The following PHF20 variants were observed in gnomAD, a reference collection of about 807,000 sequenced individuals.
PHF20 encodes the protein PHD finger protein 20.
In PHF20, 23 loss-of-function variants were observed where a neutral mutation model predicts 113.5. That is an observed-to-expected ratio of 0.20 (90% CI 0.15 to 0.29). The LOEUF (loss-of-function observed/expected upper bound fraction) is 0.29, where lower values mean the gene tolerates loss of function less well. Ranked by LOEUF, PHF20 falls within the 10% of genes least tolerant of loss-of-function variation. The probability of loss-of-function intolerance (pLI) is 1.00; values close to 1 mark genes in which losing one functional copy is unlikely to be tolerated. For missense variants in PHF20, 943 were observed against 1,219.6 expected (o/e 0.77, Z 3.38); for synonymous variants, 434 against 457.3 (o/e 0.95, Z 0.65).
intron 7 of PHF20, among the ~76,000 whole-genome samples, chr20:35,870,717 C>A (rs1177620065): frequency 6.6e-6 from 1 of 152,090 alleles, no homozygotes; most frequent in Non-Finnish European, 1.5e-5. Flanking sequence ...CGGACATGAC[C>A]TAGCACATGT....
Position 35,939,086 on chromosome 20 carries a change from A to T in PHF20, c.2690A>T (p.Asp897Val). 1 of 1,607,542 alleles carries T rather than the reference A, an allele frequency of 6.2e-7. No individual in the cohort carries two copies. Among genetic ancestry groups the T allele is most frequent in the Non-Finnish European group, 8.5e-7 (1 of 1,175,914 alleles). The change falls in exon 16 of 18, where the codon GAC (aspartate) becomes GTC (valine). Residue 897 changes from aspartate (D) to valine (V), a missense_variant. Transcript: ENST00000374012. ...LDQDRSKGDS[D>V]PKPGSPKVKE... ...CAAGACAGGAGCAAGGGGGACAGTGACCCCAAACCCGGCTCCCCAAAGGTA... is the reference window on the plus strand; with the variant it reads ...CAAGACAGGAGCAAGGGGGACAGTGTCCCCAAACCCGGCTCCCCAAAGGTA...
intron 9 of PHF20, 109 bp from the exon 10 acceptor site, chr20:35,899,261 C>A: frequency 3.5e-6 from 3 of 868,194 alleles, no homozygotes; most frequent in Non-Finnish European, 5.3e-6. Context: ...ATGTCTCAGG[C>A]TACATTTGCA....
At chr20:35,861,100 T>C (rs2054211298) in intron 5 of PHF20, among the ~76,000 whole-genome samples, 1 of 152,066 alleles carries the variant, frequency 6.6e-6, no homozygotes, top group African/African-American at 2.4e-5. Flanking sequence ...GCTAGAGTTA[T>C]CTGTCATGGG....
At chr20:35,838,140 C>G (rs182154904) in intron 2 of PHF20, among the ~76,000 whole-genome samples, 4 of 152,266 alleles carry the variant, frequency 2.6e-5, no homozygotes, top group Admixed American at 2.6e-4. Flanking sequence ...GGAGTTCACA[C>G]TTGATTCTAT....
rs2042394517 is a variant in PHF20, at chr20:35,833,886, CGT to C, written c.84-8686_84-8685del. Among the ~76,000 whole-genome samples, 14 of 151,978 alleles carry C rather than the reference CGT, an allele frequency of 9.2e-5. No homozygotes were observed. The South Asian group carries it at 2.9e-3, about 32-fold the overall frequency. On this transcript the variant is annotated intron_variant, in intron 2 of 17. Coordinates refer to ENST00000374012, the MANE Select transcript of PHF20 (RefSeq NM_016436.5). ...CAGCCTGGCCAACATGGTGAAACCC[CGT>C]CTCTACTAAAAATACAAAAATTGGC...
chr20:35,812,976 T>C (rs1456515595), intron 2 of PHF20, among the ~76,000 whole-genome samples: 5 of 152,192 alleles, frequency 3.3e-5, no homozygotes, highest in Non-Finnish European at 4.4e-5. Context: ...ATTTTTATTA[T>C]TATTATTTTT....
Position 35,877,320 on chromosome 20 carries a change from C to CA in PHF20, c.1282+5506dup, listed in dbSNP as rs565600863. ...AAAAAAAAAGAGTGAGACTCCATCTCAAAAAAAAAAAAAAAGTTTGGAGGT... is the reference window on the plus strand; with the variant it reads ...AAAAAAAAAGAGTGAGACTCCATCTCAAAAAAAAAAAAAAAAGTTTGGAGGT... On this transcript the variant is annotated intron_variant, in intron 9 of 17. Coordinates refer to ENST00000374012, the MANE Select transcript of PHF20 (RefSeq NM_016436.5). Among the ~76,000 whole-genome samples, 653 of 67,496 alleles carry CA rather than the reference C, an allele frequency of 9.7e-3. 7 individuals carry two copies. The highest frequency in any genetic ancestry group is 0.037 in the South Asian group (77 of 2,086). The allele number at this position is 67,496 out of a possible 152,430, so 44.3% of individuals were successfully genotyped here. A position where few individuals can be genotyped will look rare whatever the true frequency, so the allele number is the denominator to read the frequency against.
At chr20:35,800,232 T>C (rs908570932) in intron 1 of PHF20, 1 of 152,034 alleles carries the variant, frequency 6.6e-6, no homozygotes, top group East Asian at 1.9e-4. Context: ...GTAAAACTTA[T>C]AGGAAAATAC....
chr20:35,817,951 AT>A (rs755295831), intron 2 of PHF20, among the ~76,000 whole-genome samples: 4 of 151,794 alleles, frequency 2.6e-5, no homozygotes, highest in Admixed American at 6.6e-5. Context: ...CTACAAAAAA[AT>A]ATAAAAATTA....
intron 1 of PHF20, among the ~76,000 whole-genome samples, chr20:35,793,773 G>A (rs1199726998): frequency 3.3e-5 from 5 of 150,684 alleles, no homozygotes; most frequent in African/African-American, 9.8e-5. Context: ...TGAGGTTGGT[G>A]GATCACTGGA....
At chr20:35,924,421 C>T (rs2055583929) in intron 13 of PHF20, among the ~76,000 whole-genome samples, 4 of 151,486 alleles carry the variant, frequency 2.6e-5, no homozygotes, top group African/African-American at 4.8e-5. Context: ...CTTGAATTCC[C>T]GACCTCAGGT....
chr20:35,853,757 CT>C (rs775477393), intron 4 of PHF20, among the ~76,000 whole-genome samples: 4,053 of 140,314 alleles, frequency 0.029, 50 homozygotes, highest in African/African-American at 0.036. Context: ...CTATTTCTTT[CT>C]TTTTTTTTTT....
chr20:35,783,703 C>T (rs891742815), intron 1 of PHF20, among the ~76,000 whole-genome samples: 3 of 151,636 alleles, frequency 2.0e-5, no homozygotes, highest in Non-Finnish European at 4.4e-5. Context: ...TGGGATTGGC[C>T]GGGCATGGTG....
chr20:35,905,778 G>C (rs923184515), intron 10 of PHF20, among the ~76,000 whole-genome samples: 2 of 152,220 alleles, frequency 1.3e-5, no homozygotes, highest in Non-Finnish European at 2.9e-5. Context: ...GCATAGCAAG[G>C]GTTCAGAGGC....
intron 2 of PHF20, among the ~76,000 whole-genome samples, chr20:35,803,973 G>GCCCT (rs1317941342): frequency 6.6e-6 from 1 of 151,816 alleles, no homozygotes; most frequent in East Asian, 1.9e-4. Context: ...TCCTGCCTTA[G>GCCCT]CCCTCCATGT....
chr20:35,869,476 T>A lies in PHF20; in HGVS notation c.847T>A (p.Leu283Met). ...CTCTCAAACTTTGCAACCAATAACA[T>A]TGGAACTGAGAAGAAGGAAAATATC... ...SNSQTLQPIT[L>M]ELRRRKISKG... Residue 283 changes from leucine to methionine, a missense_variant, in exon 7 of 18, where the codon TTG becomes ATG. This residue lies in a region of PHF20 where 592 missense variants were observed against 787.2 expected (regional missense o/e 0.75). Coordinates refer to ENST00000374012, the MANE Select transcript of PHF20 (RefSeq NM_016436.5). 1 of 1,611,678 alleles carries A rather than the reference T, an allele frequency of 6.2e-7. No individual in the cohort carries two copies. Among genetic ancestry groups the A allele is most frequent in the Non-Finnish European group, 8.5e-7 (1 of 1,178,616 alleles).
At chr20:35,911,232 C>T (rs1211153678) in intron 10 of PHF20, among the ~76,000 whole-genome samples, 4 of 151,938 alleles carry the variant, frequency 2.6e-5, no homozygotes, top group Non-Finnish European at 5.9e-5. Context: ...TTAGTAGAGA[C>T]AGGGTTTTAC....
At chr20:35,899,676 A>G (rs1469947778) in intron 10 of PHF20, 28 bp downstream of exon 10, 4 of 1,608,372 alleles carry the variant, frequency 2.5e-6, no homozygotes, top group East Asian at 4.5e-5. Context: ...TCATTGTGTC[A>G]TGGATGGCTC....
chr20:35,851,727 C>A (rs550037077), intron 4 of PHF20, among the ~76,000 whole-genome samples: 57 of 152,130 alleles, frequency 3.7e-4, no homozygotes, highest in Admixed American at 1.8e-3. Flanking sequence ...CCAGCCTGGC[C>A]AGCATGGTGA....
Sources: gnomAD v4.1 joint callset for allele counts (sites outside exome capture counted in the v4.1 genomes callset) on GRCh38, gnomAD v4.1.1 for gene constraint, gnomAD v4.1.1 regional missense constraint, MANE v1.5 for transcripts, NCBI Gene and HGNC (gene_info 2026-07-23, HGNC 2026-07-21) for gene names.